ADAM9: variants seen among roughly 807,000 people sequenced by gnomAD.
ADAM9 encodes the protein disintegrin and metalloproteinase domain-containing protein 9.
ADAM9 carries 54 observed loss-of-function variants against 108.1 expected under a neutral mutation model. The ratio of observed to expected loss-of-function variants is 0.50; its 90% CI spans 0.40 to 0.63. ADAM9 has a LOEUF of 0.63. ADAM9 is among the 20% of genes least tolerant of loss of function. The pLI, the probability that ADAM9 is intolerant of heterozygous loss-of-function variation, is 0.00. For synonymous variants in ADAM9, 316 were observed against 336.0 expected (o/e 0.94, Z 0.65); for missense variants, 830 against 997.7 (o/e 0.83, Z 2.26).
chr8:39,031,702 G>A (rs1004315203), intron 11 of ADAM9, among the ~76,000 whole-genome samples: 2 of 152,218 alleles, frequency 1.3e-5, no homozygotes, highest in Non-Finnish European at 2.9e-5. Context: ...CTGGCGAGGA[G>A]CTGTGATCCT....
chr8:39,005,135 T>C (rs1019167250), intron 1 of ADAM9, among the ~76,000 whole-genome samples: 5 of 152,168 alleles, frequency 3.3e-5, no homozygotes, highest in Admixed American at 6.6e-5. Context: ...CTAAAGATTG[T>C]AGAGGGACAA....
intron 14 of ADAM9, among the ~76,000 whole-genome samples, chr8:39,057,163 A>G (rs995783115): frequency 6.6e-6 from 1 of 152,038 alleles, no homozygotes; most frequent in Non-Finnish European, 1.5e-5. Context: ...CATAGCCTAG[A>G]TGTGTAGTAG....
At chr8:39,003,380 C>G (rs1279976043) in intron 1 of ADAM9, among the ~76,000 whole-genome samples, 2 of 151,570 alleles carry the variant, frequency 1.3e-5, no homozygotes, top group East Asian at 1.9e-4. Context: ...GGACAGCGCC[C>G]TTACAGGTTG....
At chr8:39,045,583 T>TATAC (rs1837740725) in intron 12 of ADAM9, among the ~76,000 whole-genome samples, 1 of 151,212 alleles carries the variant, frequency 6.6e-6, no homozygotes, top group African/African-American at 2.4e-5. Flanking sequence ...TATATATATA[T>TATAC]ATATAAAAGA....
chr8:39,103,652 T>A lies in ADAM9; in HGVS notation c.2412T>A (p.Ile804=). 6.2e-7 allele frequency: 1 copy of A among 1,614,088 alleles called. No individual in the cohort carries two copies. The highest frequency in any genetic ancestry group is 8.5e-7 in the Non-Finnish European group (1 of 1,180,008). ...AAGTATCATCTCAGGGAAACTTAAT[T>A]CCTGCCCGTCCTGCTCCTGCACCTC... The part of the protein sequence containing the change: ...QPKVSSQGNL[I]PARPAPAPPL... The change falls in exon 22 of 22, where the codon ATT becomes ATA. Residue 804 remains isoleucine (I), a synonymous_variant. Transcript: ENST00000487273.
chr8:39,097,889 T>C (rs1839561073), intron 20 of ADAM9, among the ~76,000 whole-genome samples: 1 of 152,184 alleles, frequency 6.6e-6, no homozygotes, highest in African/African-American at 2.4e-5. Flanking sequence ...GGGATTCGTA[T>C]GTGTGGAGCA....
At chr8:39,006,265 G>A (rs1389763246) in intron 1 of ADAM9, among the ~76,000 whole-genome samples, 2 of 152,136 alleles carry the variant, frequency 1.3e-5, no homozygotes, top group Non-Finnish European at 2.9e-5. Flanking sequence ...AAATATAAGG[G>A]ATTGATGGGT....
At chr8:39,023,039 A>G (rs1030506345) in intron 8 of ADAM9, 117 bp from the exon 9 acceptor site, 6 of 922,106 alleles carry the variant, frequency 6.5e-6, no homozygotes, top group Non-Finnish European at 8.2e-6. Flanking sequence ...TAAAGGAAAG[A>G]TAGTTTTTTT....
chr8:39,052,073 A>G (rs1461848039), intron 12 of ADAM9, among the ~76,000 whole-genome samples: 1 of 152,172 alleles, frequency 6.6e-6, no homozygotes, highest in African/African-American at 2.4e-5. Context: ...TCAGAAGCTA[A>G]TGAATTTCCT....
chr8:39,083,987 A>G (rs1345349560), intron 18 of ADAM9, among the ~76,000 whole-genome samples: 1 of 152,110 alleles, frequency 6.6e-6, no homozygotes, highest in Non-Finnish European at 1.5e-5. Context: ...ATCCTCTCTA[A>G]CAGTTGCTAT....
intron 11 of ADAM9, among the ~76,000 whole-genome samples, chr8:39,035,624 C>T (rs1837245585): frequency 6.6e-6 from 1 of 152,078 alleles, no homozygotes; most frequent in African/African-American, 2.4e-5. Context: ...CGAGACCATC[C>T]TGGCTAATAC....
At chr8:39,023,516 C>G (rs1221183363) in intron 9 of ADAM9, among the ~76,000 whole-genome samples, 191 bp downstream of exon 9, 1 of 152,004 alleles carries the variant, frequency 6.6e-6, no homozygotes, top group Non-Finnish European at 1.5e-5. Context: ...CCCATATCCT[C>G]CTTTTTTCTT....
chr8:39,019,129 T>C (rs1836649739), intron 7 of ADAM9, among the ~76,000 whole-genome samples: 1 of 152,224 alleles, frequency 6.6e-6, no homozygotes, highest in Non-Finnish European at 1.5e-5. Flanking sequence ...AACTTTATCT[T>C]TTATTAATGA....
intron 14 of ADAM9, among the ~76,000 whole-genome samples, chr8:39,056,857 C>T (rs1838140176): frequency 6.6e-6 from 1 of 152,000 alleles, no homozygotes; most frequent in Non-Finnish European, 1.5e-5. Context: ...GACTGGTTTC[C>T]CTCTGTATAG....
At chr8:39,063,003 T>C (rs886452102) in intron 14 of ADAM9, among the ~76,000 whole-genome samples, 1 of 152,224 alleles carries the variant, frequency 6.6e-6, no homozygotes, top group African/African-American at 2.4e-5. Flanking sequence ...CCGAACAAAC[T>C]GTTAGAGACC....
At chr8:39,102,246 C>T (rs995917420) in intron 21 of ADAM9, among the ~76,000 whole-genome samples, 2 of 152,052 alleles carry the variant, frequency 1.3e-5, no homozygotes, top group South Asian at 2.1e-4. Context: ...ACAGCCTTCC[C>T]GTCAAAAACA....
At chr8:39,052,475 T>C (rs1406991637) in intron 12 of ADAM9, among the ~76,000 whole-genome samples, 3 of 152,130 alleles carry the variant, frequency 2.0e-5, no homozygotes, top group Non-Finnish European at 4.4e-5. Flanking sequence ...AACTTACTAA[T>C]TTTTTTCCTG....
At chr8:39,050,830 G>GTTTTTTT (rs58115667) in intron 12 of ADAM9, among the ~76,000 whole-genome samples, 1 of 85,182 alleles carries the variant, frequency 1.2e-5, no homozygotes, top group Non-Finnish European at 2.2e-5. Flanking sequence ...GCTTGGAAGT[G>GTTTTTTT]TTTTTTTTTT....
chr8:39,071,532 T>C (rs1291194691), intron 15 of ADAM9, 129 bp downstream of exon 15: 3 of 801,994 alleles, frequency 3.7e-6, no homozygotes, highest in African/African-American at 3.6e-5. Context: ...AGTGGCGCGA[T>C]CTCGGCTCGC....
Sources: allele counts gnomAD v4.1 joint callset (sites outside exome capture counted in the v4.1 genomes callset), GRCh38; gene constraint gnomAD v4.1.1; transcripts MANE v1.5; gene names NCBI Gene and HGNC (gene_info 2026-07-23, HGNC 2026-07-21).